WSB2: variants seen among roughly 807,000 people sequenced by gnomAD.
The protein encoded by WSB2 is WD repeat and SOCS box containing 2.
Under a neutral mutation model 48.8 loss-of-function variants are expected in WSB2, and 12 were observed. That is an observed-to-expected ratio of 0.25 (90% CI 0.16 to 0.40). The LOEUF (loss-of-function observed/expected upper bound fraction) is 0.40. Among genes scored for constraint, WSB2 ranks in the 10% least tolerant of loss-of-function variants. The pLI, the probability that WSB2 is intolerant of heterozygous loss-of-function variation, is 1.00. For synonymous variants in WSB2, 191 were observed against 203.1 expected (o/e 0.94, Z 0.51); for missense variants, 317 against 506.2 (o/e 0.63, Z 3.59).
intron 4 of WSB2, among the ~76,000 whole-genome samples, chr12:118,041,603 G>A (rs958589279): frequency 6.6e-6 from 1 of 151,864 alleles, no homozygotes; most frequent in Non-Finnish European, 1.5e-5. Flanking sequence ...GCCTCTTCAT[G>A]ACCCTCCTTC....
rs1419251260 is a variant in WSB2, at chr12:118,061,105, G to A, written c.-57C>T. On this transcript the variant is annotated 5_prime_UTR_variant, in exon 1 of 9. Transcript: ENST00000315436. ...CGGGCGCCTCAGCCCCCCGGGCCGC[G>A]GGCCCTCATGCCGCCCCCGCGCCGC... is the stretch of plus-strand genomic sequence containing the variant. The A allele has an allele frequency of 4.1e-6, 4 of 980,310 alleles. No homozygotes were observed. The highest frequency in any genetic ancestry group is 1.2e-4 in the East Asian group (1 of 8,584). The allele number at this position is 980,310 out of a possible 1,614,324, so 60.7% of individuals were successfully genotyped here.
chr12:118,046,500 C>G (rs1021536723), intron 2 of WSB2, among the ~76,000 whole-genome samples: 1 of 151,368 alleles, frequency 6.6e-6, no homozygotes, highest in Non-Finnish European at 1.5e-5. Flanking sequence ...AAAAATTTGT[C>G]AACCTCTGGG....
chr12:118,047,981 G>A (rs2031777656), intron 2 of WSB2, among the ~76,000 whole-genome samples: 1 of 151,994 alleles, frequency 6.6e-6, no homozygotes, highest in East Asian at 1.9e-4. Flanking sequence ...GGCTGGAGTG[G>A]CCTGGTATGA....
chr12:118,041,511 A>C (rs1174946254), intron 4 of WSB2, among the ~76,000 whole-genome samples: 1 of 152,166 alleles, frequency 6.6e-6, no homozygotes, highest in Non-Finnish European at 1.5e-5. Flanking sequence ...AGCAGGAGAA[A>C]GGTCCCTCCC....
chr12:118,042,464 C>T (rs1026150494), intron 4 of WSB2: 1 of 197,316 alleles, frequency 5.1e-6, no homozygotes, highest in African/African-American at 2.4e-5. Context: ...TGTTCTAGAT[C>T]AAATATTTTT....
intron 2 of WSB2, among the ~76,000 whole-genome samples, chr12:118,045,172 C>T (rs1449266735): frequency 1.3e-5 from 2 of 151,552 alleles, no homozygotes; most frequent in Non-Finnish European, 2.9e-5. Context: ...GTCAGGAGAT[C>T]GAGACCACGG....
At chr12:118,057,776 GTT>G (rs71099102) in intron 1 of WSB2, among the ~76,000 whole-genome samples, 11 of 141,478 alleles carry the variant, frequency 7.8e-5, no homozygotes, top group African/African-American at 2.3e-4. Context: ...ATATATTTGG[GTT>G]TTTTTTTTTT....
At position 118,046,709 on chromosome 12, in the gene WSB2, T is replaced by G. The variant is rs144088396; in HGVS notation, c.183-3332A>C. On this transcript the variant is annotated intron_variant, in intron 2 of 8. Coordinates refer to ENST00000315436, the MANE Select transcript of WSB2 (RefSeq NM_018639.5). ...GCTATGGGAAGAGGTTTAAGACAGC[T>G]TGGAACCACCAGTTAAATTTGTTTT... is the stretch of plus-strand genomic sequence containing the variant. Among the ~76,000 whole-genome samples the G allele has an allele frequency of 7.1e-4, 108 of 152,324 alleles. No individual in the cohort carries two copies. In the East Asian group the frequency reaches 0.018, roughly 25 times the overall value.
intron 4 of WSB2, among the ~76,000 whole-genome samples, chr12:118,040,654 CAA>C (rs781738117): frequency 2.8e-4 from 34 of 119,906 alleles, no homozygotes; most frequent in Admixed American, 2.6e-4. Context: ...GGCTCTGTCT[CAA>C]AAAAAAAAAA....
Position 118,038,354 on chromosome 12 carries a change from C to T in WSB2, c.594G>A (p.Gln198=). ...GGGAGATGGAACAGCAGTAAACCCA[C>T]TGCAGGTGGCCCGATAACACTTGAA... ...KQIQVLSGHL[Q]WVYCCSISPD... The change falls in exon 5 of 9, where the codon CAG becomes CAA. Residue 198 remains glutamine (Q), a synonymous_variant. Transcript: ENST00000315436. 1.2e-6 allele frequency: 2 copies of T among 1,614,210 alleles called. No homozygotes were observed. The highest frequency in any genetic ancestry group is 1.7e-6 in the Non-Finnish European group (2 of 1,180,044).
intron 1 of WSB2, chr12:118,052,739 T>G (rs1219298474): frequency 3.8e-6 from 2 of 521,454 alleles, no homozygotes; most frequent in Non-Finnish European, 6.9e-6. Flanking sequence ...GGAGGCCTCA[T>G]TTTCCTATGA....
chr12:118,038,344 A>G lies in WSB2; in HGVS notation c.604T>C (p.Cys202Arg), dbSNP rs2031558569. The change falls in exon 5 of 9, where the codon TGC becomes CGC. Residue 202 changes from cysteine to arginine, a missense_variant. Cys to Arg is a radical substitution (Grantham distance 180, BLOSUM62 -3). Transcript: ENST00000315436. Reference protein sequence around the residue: ...VLSGHLQWVYCCSISPDCSML... With the variant: ...VLSGHLQWVYRCSISPDCSML... ...CTGCAGTCTGGGGAGATGGAACAGC[A>G]GTAAACCCACTGCAGGTGGCCCGAT... 2 of 1,614,084 alleles carry G rather than the reference A, an allele frequency of 1.2e-6. No individual in the cohort carries two copies. The highest frequency in any genetic ancestry group is 1.3e-5 in the African/African-American group (1 of 74,956).
At chr12:118,049,726 T>C (rs900191670) in intron 2 of WSB2, among the ~76,000 whole-genome samples, 1 of 152,108 alleles carries the variant, frequency 6.6e-6, no homozygotes, top group Admixed American at 6.6e-5. Context: ...TTCAGGTCCT[T>C]GATGCATTTT....
intron 1 of WSB2, among the ~76,000 whole-genome samples, chr12:118,059,998 G>GC (rs1181361730): frequency 3.3e-5 from 5 of 152,204 alleles, no homozygotes; most frequent in African/African-American, 1.2e-4. Context: ...GAACTTGGCT[G>GC]CAAGATTACC....
rs1163462270 is a variant in WSB2 at position 118,060,960 on chromosome 12, G to A, written c.13+76C>T. On this transcript the variant is annotated intron_variant, in intron 1 of 8. Transcript: ENST00000315436. This position sits in a 1 kb window ranked among gnomAD's most constrained non-coding sequence, Gnocchi z 4.1. ...CCCCACCCCGCCCAGCCCGCCCCGG[G>A]GTCGCCTCCCCCCTCCCCGGGGAGA... is the stretch of plus-strand genomic sequence containing the variant. 2.8e-6 allele frequency: 2 copies of A among 725,888 alleles called. No individual in the cohort carries two copies. The highest frequency in any genetic ancestry group is 3.4e-6 in the Non-Finnish European group (2 of 592,510). The allele number at this position is 725,888 out of a possible 1,614,324, so 45.0% of individuals were successfully genotyped here. A position where few individuals can be genotyped will look rare whatever the true frequency, so the allele number is the denominator to read the frequency against.
In WSB2 at chr12:118,035,242, A is replaced by C. The variant is rs1186046094; in HGVS notation, c.916T>G (p.Leu306Val). 2.5e-6 allele frequency: 4 copies of C among 1,614,220 alleles called. No individual in the cohort carries two copies. In the East Asian group the frequency reaches 8.9e-5, roughly 36 times the overall value. Residue 306 changes from leucine to valine, a missense_variant, in exon 7 of 9, where the codon TTG (leucine) becomes GTG (valine). Transcript: ENST00000315436. ...LRSVCFSPEG[L>V]YLATVADDRL... ...TCATCTGCCACCGTGGCAAGGTACA[A>C]GCCTTCTGGAGAGAAGCACACAGAT... is the stretch of plus-strand genomic sequence containing the variant.
chr12:118,037,951 G>GACC (rs1566136387), intron 5 of WSB2: 1 of 197,462 alleles, frequency 5.1e-6, no homozygotes, highest in African/African-American at 2.3e-5. Context: ...ATTCAAATTT[G>GACC]ATGGTTCAAA....
intron 4 of WSB2, 148 bp downstream of exon 4, chr12:118,042,693 G>C: frequency 2.2e-6 from 3 of 1,335,444 alleles, no homozygotes; most frequent in Non-Finnish European, 3.0e-6. Flanking sequence ...GGGGCGATTA[G>C]GAAAAAACTG....
At chr12:118,052,509 A>C (rs549627720) in intron 1 of WSB2, 31 bp from the exon 2 acceptor site, 1 of 1,612,186 alleles carries the variant, frequency 6.2e-7, no homozygotes, top group Admixed American at 1.7e-5. Context: ...CTTCAAACAC[A>C]CACCCCCTTG....
Sources: gnomAD v4.1 joint callset for allele counts (sites outside exome capture counted in the v4.1 genomes callset) on GRCh38, gnomAD v4.1.1 for gene constraint, Gnocchi (gnomAD v3.1) non-coding constraint, MANE v1.5 for transcripts, NCBI Gene and HGNC (gene_info 2026-07-23, HGNC 2026-07-21) for gene names.